The following PPM1B variants were observed in gnomAD, a reference collection of about 807,000 sequenced individuals.
PPM1B encodes protein phosphatase 1B.
A neutral mutation model predicts 43.0 loss-of-function variants in PPM1B; 22 were observed. That is an observed-to-expected ratio of 0.51 (90% CI 0.37 to 0.73). PPM1B has a LOEUF of 0.73. Among genes scored for constraint, PPM1B ranks in the 30% least tolerant of loss-of-function variants. PPM1B has a pLI of 0.00. For synonymous variants in PPM1B, 217 were observed against 197.9 expected (o/e 1.10, Z -0.81); for missense variants, 632 against 584.2 (o/e 1.08, Z -0.84).
At chr2:44,184,827 T>G (rs1037327858) in intron 1 of PPM1B, among the ~76,000 whole-genome samples, 7 of 151,884 alleles carry the variant, frequency 4.6e-5, no homozygotes, top group African/African-American at 1.7e-4. Context: ...TTTTCTTCAA[T>G]TATCAATGTA....
downstream of PPM1B, chr2:44,232,962 A>G (rs149010220): frequency 2.0e-6 from 2 of 978,728 alleles, no homozygotes; most frequent in African/African-American, 3.5e-5. Context: ...ATTTGGGAAT[A>G]ATATTATAAA....
At chr2:44,173,080 C>G (rs1175862943) in intron 1 of PPM1B, among the ~76,000 whole-genome samples, 2 of 152,220 alleles carry the variant, frequency 1.3e-5, no homozygotes, top group Non-Finnish European at 2.9e-5. Flanking sequence ...TTTGGGAAGC[C>G]AAGGCAGGCA....
intron 1 of PPM1B, among the ~76,000 whole-genome samples, chr2:44,175,580 T>G (rs1667544081): frequency 1.3e-5 from 2 of 152,182 alleles, no homozygotes; most frequent in Non-Finnish European, 2.9e-5. Flanking sequence ...ACATTACAGC[T>G]GAACTCCTTA....
intron 1 of PPM1B, among the ~76,000 whole-genome samples, chr2:44,182,657 T>G (rs181403664): frequency 2.0e-5 from 3 of 152,296 alleles, no homozygotes; most frequent in Non-Finnish European, 4.4e-5. Flanking sequence ...CTCTTTAGTT[T>G]GTTTTGAAAT....
intron 1 of PPM1B, among the ~76,000 whole-genome samples, chr2:44,182,728 T>G (rs1667943028): frequency 6.6e-6 from 1 of 152,198 alleles, no homozygotes; most frequent in Non-Finnish European, 1.5e-5. Context: ...TTTCTTTGAC[T>G]CTAGGGGCTT....
chr2:44,180,162 A>G (rs895747654), intron 1 of PPM1B, among the ~76,000 whole-genome samples: 12 of 152,230 alleles, frequency 7.9e-5, no homozygotes, highest in Admixed American at 7.9e-4. Flanking sequence ...ACTTAAGGGA[A>G]ACAATCCTTT....
At chr2:44,177,098 AT>A (rs1667617506) in intron 1 of PPM1B, among the ~76,000 whole-genome samples, 1 of 152,138 alleles carries the variant, frequency 6.6e-6, no homozygotes, top group Non-Finnish European at 1.5e-5. Flanking sequence ...TTTTTAATGT[AT>A]TTTTGTAATT....
chr2:44,215,576 G>A (rs1489745873), intron 3 of PPM1B, among the ~76,000 whole-genome samples: 1 of 152,086 alleles, frequency 6.6e-6, no homozygotes, highest in Non-Finnish European at 1.5e-5. Flanking sequence ...AATACATTCT[G>A]GTGTACTTGG....
intron 3 of PPM1B, among the ~76,000 whole-genome samples, chr2:44,216,814 A>G (rs969342434): frequency 6.6e-6 from 1 of 150,664 alleles, no homozygotes; most frequent in Admixed American, 6.6e-5. Flanking sequence ...AATCCCAGCT[A>G]CTTGGGAGGC....
At chr2:44,218,378 A>G in intron 4 of PPM1B, 102 bp from the exon 5 acceptor site, 1 of 851,442 alleles carries the variant, frequency 1.2e-6, no homozygotes. Flanking sequence ...TATAGAGTGT[A>G]CCAGTTACTT....
intron 1 of PPM1B, among the ~76,000 whole-genome samples, chr2:44,197,025 C>T (rs758473910): frequency 6.6e-6 from 1 of 152,154 alleles, no homozygotes; most frequent in Non-Finnish European, 1.5e-5. Flanking sequence ...TTTAAATAAA[C>T]TTTTAATGTT....
At chr2:44,233,910 G>C, downstream of PPM1B, 1 of 985,376 alleles carries the variant, frequency 1.0e-6, no homozygotes, top group Non-Finnish European at 1.2e-6. Context: ...TAAAAGATAG[G>C]GAATGAAGAA....
intron 1 of PPM1B, among the ~76,000 whole-genome samples, chr2:44,188,342 T>C (rs890040564): frequency 6.6e-6 from 1 of 151,962 alleles, no homozygotes; most frequent in African/African-American, 2.4e-5. Context: ...TTCCTTCTCT[T>C]CTCCCAGTGT....
intron 3 of PPM1B, among the ~76,000 whole-genome samples, chr2:44,217,549 T>C (rs1323517677): frequency 6.6e-6 from 1 of 152,212 alleles, no homozygotes; most frequent in Non-Finnish European, 1.5e-5. Context: ...TTTTATATTG[T>C]TTTTACTTAA....
intron 1 of PPM1B, among the ~76,000 whole-genome samples, chr2:44,181,870 G>A (rs1352869032): frequency 6.6e-6 from 1 of 152,138 alleles, no homozygotes; most frequent in Non-Finnish European, 1.5e-5. Flanking sequence ...CAGATACTGT[G>A]TTTTGGGTTG....
chr2:44,173,281 A>C (rs567324007), intron 1 of PPM1B, among the ~76,000 whole-genome samples: 1 of 152,248 alleles, frequency 6.6e-6, no homozygotes, highest in East Asian at 1.9e-4. Context: ...AGTGTAATCT[A>C]TATAGTGTAT....
chr2:44,245,113 A>AAC (rs1324528978), downstream of PPM1B, among the ~76,000 whole-genome samples: 1 of 151,828 alleles, frequency 6.6e-6, no homozygotes, highest in Admixed American at 6.6e-5. Context: ...TCACACCAAA[A>AAC]ACACACACAC....
chr2:44,224,102 TAAG>T (rs1479597785), intron 5 of PPM1B, among the ~76,000 whole-genome samples: 3 of 152,166 alleles, frequency 2.0e-5, no homozygotes, highest in Non-Finnish European at 2.9e-5. Context: ...TAGGACTTCA[TAAG>T]AAACATTTTT....
At chr2:44,210,558 A>G (rs1669412927) in intron 3 of PPM1B, among the ~76,000 whole-genome samples, 2 of 152,148 alleles carry the variant, frequency 1.3e-5, no homozygotes, top group Non-Finnish European at 2.9e-5. Flanking sequence ...CAGAAGTATT[A>G]CAGGATCTCC....
Sources: allele counts gnomAD v4.1 joint callset (sites outside exome capture counted in the v4.1 genomes callset), GRCh38; gene constraint gnomAD v4.1.1; transcripts MANE v1.5; gene names NCBI Gene and HGNC (gene_info 2026-07-23, HGNC 2026-07-21).